The following PTPRC variants were observed in gnomAD, a reference collection of about 807,000 sequenced individuals.
PTPRC encodes the protein receptor-type tyrosine-protein phosphatase C.
PTPRC carries 44 observed loss-of-function variants against 155.9 expected under a neutral mutation model. That is an observed-to-expected ratio of 0.28 (90% CI 0.22 to 0.36). PTPRC has a LOEUF of 0.36. PTPRC is among the 10% of genes least tolerant of loss of function. PTPRC has a pLI of 1.00. For synonymous variants in PTPRC, 525 were observed against 533.1 expected, an observed-to-expected ratio of 0.98 and a Z score of 0.21; for missense variants, 1,401 against 1,564.6, an observed-to-expected ratio of 0.90 and a Z score of 1.76.
At chr1:198,713,196 C>A in intron 12 of PTPRC, 124 bp downstream of exon 12, 1 of 1,338,138 alleles carries the variant, frequency 7.5e-7, no homozygotes, top group Non-Finnish European at 1.0e-6. Context: ...GCATAGTATA[C>A]TCCCTGATCT....
chr1:198,647,174 C>G (rs1362564190), intron 2 of PTPRC, among the ~76,000 whole-genome samples: 1 of 151,900 alleles, frequency 6.6e-6, no homozygotes, highest in African/African-American at 2.4e-5. Flanking sequence ...CCCTATCCCA[C>G]TTGTATAACC....
At chr1:198,709,544 G>A (rs1389209133) in intron 10 of PTPRC, 143 bp from the exon 11 acceptor site, 1 of 733,634 alleles carries the variant, frequency 1.4e-6, no homozygotes, top group African/African-American at 1.9e-5. Context: ...TTATTTTTAG[G>A]GTTTTTTATT....
At chr1:198,709,346 A>G (rs1276903310) in intron 10 of PTPRC, among the ~76,000 whole-genome samples, 2 of 152,180 alleles carry the variant, frequency 1.3e-5, no homozygotes, top group East Asian at 3.8e-4. Flanking sequence ...AGCTATGTAT[A>G]TGAGGTATAT....
At position 198,749,522 on chromosome 1, in the gene PTPRC, C is replaced by T; in HGVS notation, c.3045C>T (p.Ser1015=). 1 of 1,610,806 alleles carries T rather than the reference C, an allele frequency of 6.2e-7. No homozygotes were observed. The highest frequency in any genetic ancestry group is 8.5e-7 in the Non-Finnish European group (1 of 1,178,090). The change falls in exon 28 of 33, where the codon AGC becomes AGT. Residue 1015 remains serine (S), a synonymous_variant. Coordinates refer to ENST00000442510, the MANE Select transcript of PTPRC (RefSeq NM_002838.5). ...ATGACAGTGATTCAGAGGAACCAAGCAAATACATCAATGCATCTTTTATAA... is the reference window on the plus strand; with the variant it reads ...ATGACAGTGATTCAGAGGAACCAAGTAAATACATCAATGCATCTTTTATAA... ...SDDDSDSEEP[S]KYINASFIMS...
In PTPRC at chr1:198,644,883, A is replaced by G. The variant is rs189721519; in HGVS notation, c.73+5542A>G. 3.7e-3 allele frequency among the ~76,000 whole-genome samples: 559 copies of G among 151,948 alleles called. 4 individuals are homozygous for G. The highest frequency in any genetic ancestry group is 0.013 in the African/African-American group (530 of 41,512). ...GATTCAATATTTATTTCCTCTAAAA[A>G]TGAGTCAAGTGTCTGAAAGGAAAAA... is the stretch of plus-strand genomic sequence containing the variant. On this transcript the variant is annotated intron_variant, in intron 2 of 32. Coordinates refer to ENST00000442510, the MANE Select transcript of PTPRC (RefSeq NM_002838.5).
intron 2 of PTPRC, among the ~76,000 whole-genome samples, chr1:198,646,595 A>G (rs894813355): frequency 9.2e-5 from 14 of 151,874 alleles, no homozygotes; most frequent in Admixed American, 7.2e-4. Flanking sequence ...TGAAATTTCT[A>G]TCAGTGACAT....
chr1:198,652,708 G>A (rs886449257), intron 2 of PTPRC, among the ~76,000 whole-genome samples: 1 of 151,606 alleles, frequency 6.6e-6, no homozygotes, highest in Non-Finnish European at 1.5e-5. Context: ...TTAGAAGAGA[G>A]GGAACCCAGG....
chr1:198,721,729 A>C (rs1298480092), intron 14 of PTPRC, among the ~76,000 whole-genome samples: 1 of 151,910 alleles, frequency 6.6e-6, no homozygotes, highest in Non-Finnish European at 1.5e-5. Flanking sequence ...TATTCTGTGA[A>C]TATTGGGTAA....
chr1:198,726,011 C>T (rs1332952228), intron 15 of PTPRC, among the ~76,000 whole-genome samples: 1 of 152,122 alleles, frequency 6.6e-6, no homozygotes, highest in African/African-American at 2.4e-5. Context: ...AAGGGGGAAA[C>T]ACATGTGTGC....
At chr1:198,726,509 T>C (rs1654140095) in intron 15 of PTPRC, among the ~76,000 whole-genome samples, 1 of 152,190 alleles carries the variant, frequency 6.6e-6, no homozygotes, top group Admixed American at 6.5e-5. Flanking sequence ...AAACTCAAGT[T>C]TGGATAATTT....
chr1:198,717,414 C>T (rs777543251), intron 13 of PTPRC, among the ~76,000 whole-genome samples: 1 of 152,178 alleles, frequency 6.6e-6, no homozygotes, highest in African/African-American at 2.4e-5. Flanking sequence ...AGATCTGCTT[C>T]TGGGGCACAT....
Position 198,678,199 on chromosome 1 carries a change from T to C in PTPRC, c.74-14148T>C, listed in dbSNP as rs550853180. On this transcript the variant is annotated intron_variant, in intron 2 of 32. Transcript: ENST00000442510. ...TATTGTTCTTCTATAAACTAACTAC[T>C]GTGTAGGATACAAGGGATGCTGATT... Among the ~76,000 whole-genome samples, 361 of 152,296 alleles carry C rather than the reference T, an allele frequency of 2.4e-3. 1 individual carries two copies. The highest frequency in any genetic ancestry group is 8.4e-3 in the African/African-American group (350 of 41,568).
At position 198,746,862 on chromosome 1, in the gene PTPRC, G is replaced by A. The variant is rs144360057; in HGVS notation, c.2848-1247G>A. ...ACATCTGGTCCTTCATGCAGCTCAT[G>A]GTGGTGTTCAAGTGGCCTAAAATTC... On this transcript the variant is annotated intron_variant, in intron 26 of 32. Coordinates refer to ENST00000442510, the MANE Select transcript of PTPRC (RefSeq NM_002838.5). Among the ~76,000 whole-genome samples, 438 of 151,908 alleles carry A rather than the reference G, an allele frequency of 2.9e-3. 2 individuals carry two copies. The highest frequency in any genetic ancestry group is 0.01 in the African/African-American group (417 of 41,498).
intron 19 of PTPRC, 25 bp from the exon 20 acceptor site, chr1:198,732,455 G>C (rs753216200): frequency 1.3e-5 from 21 of 1,604,924 alleles, no homozygotes; most frequent in Non-Finnish European, 1.8e-5. Flanking sequence ...TATTTCACTT[G>C]TTTATTTTTC....
At chr1:198,675,619 T>C (rs988917060) in intron 2 of PTPRC, among the ~76,000 whole-genome samples, 1 of 152,182 alleles carries the variant, frequency 6.6e-6, no homozygotes, top group Non-Finnish European at 1.5e-5. Context: ...AATGACATAC[T>C]GTGTCAAGAA....
intron 2 of PTPRC, chr1:198,657,948 G>A (rs1242420730): frequency 2.6e-5 from 4 of 152,076 alleles, no homozygotes; most frequent in South Asian, 4.1e-4. Flanking sequence ...TTCAATACTC[G>A]ATGAATGTGT....
chr1:198,671,233 CCAGTAT>C (rs966990718), intron 2 of PTPRC, among the ~76,000 whole-genome samples: 1 of 152,034 alleles, frequency 6.6e-6, no homozygotes, highest in Non-Finnish European at 1.5e-5. Context: ...CATGCATACA[CCAGTAT>C]CACCCCCCTC....
intron 2 of PTPRC, among the ~76,000 whole-genome samples, chr1:198,680,899 G>C (rs1267195726): frequency 6.6e-6 from 1 of 152,138 alleles, no homozygotes; most frequent in Admixed American, 6.5e-5. Flanking sequence ...GATTCTAGTA[G>C]ACCTGGGATT....
chr1:198,694,057 C>T (rs1321359193), intron 3 of PTPRC: 1 of 1,549,200 alleles, frequency 6.5e-7, no homozygotes, highest in Non-Finnish European at 8.7e-7. Flanking sequence ...CAATCCAAGT[C>T]ACCAAACCTC....
Sources: allele counts gnomAD v4.1 joint callset (sites outside exome capture counted in the v4.1 genomes callset), GRCh38; gene constraint gnomAD v4.1.1; transcripts MANE v1.5; gene names NCBI Gene and HGNC (gene_info 2026-07-23, HGNC 2026-07-21).